SCAMP1: variants seen among roughly 807,000 people sequenced by gnomAD.
The protein encoded by SCAMP1 is secretory carrier membrane protein 1.
In SCAMP1, 15 loss-of-function variants were observed where a neutral mutation model predicts 41.8. The observed-to-expected ratio is 0.36, with a 90% CI of 0.24 to 0.55. SCAMP1 has a LOEUF of 0.55. SCAMP1 is among the 20% of genes least tolerant of loss of function. The pLI is 0.86. For synonymous variants in SCAMP1, 135 were observed against 136.8 expected (o/e 0.99, Z 0.09); for missense variants, 341 against 412.6 (o/e 0.83, Z 1.50).
chr5:78,369,564 G>A (rs775715631), intron 1 of SCAMP1, among the ~76,000 whole-genome samples: 3 of 152,180 alleles, frequency 2.0e-5, no homozygotes, highest in South Asian at 2.1e-4. Context: ...GAATACTACC[G>A]TAGTGTGACG....
intron 2 of SCAMP1, among the ~76,000 whole-genome samples, chr5:78,403,980 A>AAAAAAAG (rs1561262510): frequency 1.5e-5 from 2 of 133,706 alleles, no homozygotes; most frequent in African/African-American, 2.9e-5. Flanking sequence ...AAAAAAAAAA[A>AAAAAAAG]GGGATGGTGG....
intron 6 of SCAMP1, among the ~76,000 whole-genome samples, chr5:78,443,322 T>C (rs1752974343): frequency 6.6e-6 from 1 of 152,126 alleles, no homozygotes; most frequent in African/African-American, 2.4e-5. Flanking sequence ...TCTCTAAATC[T>C]GTTTGCTTAT....
intron 8 of SCAMP1, among the ~76,000 whole-genome samples, chr5:78,460,790 T>TTCCTTCCTTTGGTTTCTTTTC (rs1561287091): frequency 1.0e-4 from 5 of 47,962 alleles, no homozygotes; most frequent in African/African-American, 5.1e-4. Flanking sequence ...CCTTCCTTCC[T>TTCCTTCCTTTGGTTTCTTTTC]TCCTTCCTTC....
At chr5:78,474,954 C>T (rs904494171) in intron 8 of SCAMP1, among the ~76,000 whole-genome samples, 4 of 152,090 alleles carry the variant, frequency 2.6e-5, no homozygotes, top group African/African-American at 4.8e-5. Context: ...TTCTTTAGGA[C>T]TTGACCATAC....
Position 78,480,001 on chromosome 5 carries a change from T to C in SCAMP1, c.*4333T>C, listed in dbSNP as rs1048895259. 4.6e-5 allele frequency among the ~76,000 whole-genome samples: 7 copies of C among 150,840 alleles called. 1 individual carries two copies. Among genetic ancestry groups the C allele is most frequent in the East Asian group, 2.0e-4 (1 of 5,104 alleles). ...GCGGAGCTTGCAGTGAGCCGAGATC[T>C]CTCCACTGCACTCCAGCCTGGGCGA... On this transcript the variant is annotated 3_prime_UTR_variant, in exon 9 of 9. Transcript: ENST00000621999.
intron 1 of SCAMP1, among the ~76,000 whole-genome samples, chr5:78,371,155 A>G (rs1383177391): frequency 6.6e-6 from 1 of 152,110 alleles, no homozygotes; most frequent in East Asian, 1.9e-4. Context: ...TGAAGCACAA[A>G]AGCTTTTAAT....
chr5:78,475,068 A>T (rs1277022978), intron 8 of SCAMP1, among the ~76,000 whole-genome samples: 1 of 152,182 alleles, frequency 6.6e-6, no homozygotes, highest in African/African-American at 2.4e-5. Context: ...TGATTATAAC[A>T]GGGCCTGTGG....
At chr5:78,425,778 ATTTAT>A (rs368071734) in intron 6 of SCAMP1, among the ~76,000 whole-genome samples, 53 of 152,134 alleles carry the variant, frequency 3.5e-4, no homozygotes, top group South Asian at 2.5e-3. Context: ...AAATTCAATG[ATTTAT>A]TTTATTTTAT....
intron 6 of SCAMP1, among the ~76,000 whole-genome samples, chr5:78,423,254 T>C (rs901776934): frequency 6.6e-6 from 1 of 151,994 alleles, no homozygotes; most frequent in African/African-American, 2.4e-5. Flanking sequence ...GAAAAGAACC[T>C]TTGGATACAT....
At chr5:78,473,542 T>G (rs532833335) in intron 8 of SCAMP1, among the ~76,000 whole-genome samples, 3 of 152,258 alleles carry the variant, frequency 2.0e-5, no homozygotes, top group African/African-American at 7.2e-5. Context: ...TATGTGATAC[T>G]GAGGTTTGGG....
chr5:78,467,872 C>G (rs1025350630), intron 8 of SCAMP1, among the ~76,000 whole-genome samples: 1 of 152,156 alleles, frequency 6.6e-6, no homozygotes, highest in Non-Finnish European at 1.5e-5. Flanking sequence ...CTGTTTCACA[C>G]TTGGTCAAAA....
chr5:78,378,250 G>A (rs1751113794), intron 1 of SCAMP1, among the ~76,000 whole-genome samples: 1 of 152,178 alleles, frequency 6.6e-6, no homozygotes, highest in Admixed American at 6.6e-5. Context: ...AATCATCCAT[G>A]TAGATTTTTA....
intron 8 of SCAMP1, among the ~76,000 whole-genome samples, chr5:78,460,999 G>T (rs1163431718): frequency 6.6e-6 from 1 of 151,808 alleles, no homozygotes; most frequent in African/African-American, 2.4e-5. Flanking sequence ...AGGATTACAG[G>T]TGTGCACCAG....
chr5:78,387,490 C>T (rs1313039147), intron 1 of SCAMP1, among the ~76,000 whole-genome samples: 1 of 151,608 alleles, frequency 6.6e-6, no homozygotes, highest in Admixed American at 6.6e-5. Flanking sequence ...GGTTTGGATC[C>T]ATTGCTGGTG....
At chr5:78,414,218 G>GA (rs1196197852) in intron 2 of SCAMP1, among the ~76,000 whole-genome samples, 1 of 151,146 alleles carries the variant, frequency 6.6e-6, no homozygotes, top group Admixed American at 6.6e-5. Context: ...TGTGTCTGTT[G>GA]AAAAAAAGGT....
Position 78,360,651 on chromosome 5 carries a change from G to C in SCAMP1, c.-21G>C. On this transcript the variant is annotated 5_prime_UTR_variant, in exon 1 of 9. Transcript: ENST00000621999. ...CTCTCTCTGCGCCTGGGTCGGGTGGGTGACGCCGAGAGCCAGAGAGATGTC... is the reference window on the plus strand; with the variant it reads ...CTCTCTCTGCGCCTGGGTCGGGTGGCTGACGCCGAGAGCCAGAGAGATGTC... The C allele has an allele frequency of 6.2e-7, 1 of 1,602,846 alleles. No homozygotes were observed. The highest frequency in any genetic ancestry group is 1.3e-5 in the African/African-American group (1 of 74,468).
intron 2 of SCAMP1, among the ~76,000 whole-genome samples, chr5:78,409,793 C>T (rs925731307): frequency 6.6e-6 from 1 of 152,096 alleles, no homozygotes; most frequent in Non-Finnish European, 1.5e-5. Flanking sequence ...GTTTATTATA[C>T]TTAATACTTC....
chr5:78,371,090 G>A (rs1337373656), intron 1 of SCAMP1, among the ~76,000 whole-genome samples: 1 of 152,024 alleles, frequency 6.6e-6, no homozygotes, highest in Non-Finnish European at 1.5e-5. Flanking sequence ...TATGTGATTT[G>A]TGACTTTTTT....
At position 78,367,367 on chromosome 5, in the gene SCAMP1, C is replaced by T. The variant is rs543656536; in HGVS notation, c.57+6639C>T. On this transcript the variant is annotated intron_variant, in intron 1 of 8. Transcript: ENST00000621999. ...CAGGTTTTTTCTTTTTTTTAATGTTCTTTTCTGGAGTCACTAAAGTGGCTT... is the reference window on the plus strand; with the variant it reads ...CAGGTTTTTTCTTTTTTTTAATGTTTTTTTCTGGAGTCACTAAAGTGGCTT... Among the ~76,000 whole-genome samples, 52 of 151,972 alleles carry T rather than the reference C, an allele frequency of 3.4e-4. 1 individual carries two copies. The highest frequency in any genetic ancestry group is 2.3e-3 in the East Asian group (12 of 5,176).
Sources: gnomAD v4.1 joint callset for allele counts (sites outside exome capture counted in the v4.1 genomes callset) on GRCh38, gnomAD v4.1.1 for gene constraint, MANE v1.5 for transcripts, NCBI Gene and HGNC (gene_info 2026-07-23, HGNC 2026-07-21) for gene names.